Variants in LHFPL3 observed in about 807,000 individuals in gnomAD.
The protein encoded by LHFPL3 is LHFPL tetraspan subfamily member 3, also known as LHFPL tetraspan subfamily member 3 protein.
LHFPL3 carries 5 observed loss-of-function variants against 19.3 expected under a neutral mutation model. The observed-to-expected ratio is 0.26, with a 90% CI of 0.14 to 0.54. The LOEUF is 0.54. Among genes scored for constraint, LHFPL3 ranks in the 20% least tolerant of loss-of-function variants. The probability of loss-of-function intolerance (pLI) is 0.94; values close to 1 mark genes in which losing one functional copy is unlikely to be tolerated. For synonymous variants in LHFPL3, 133 were observed against 126.2 expected (o/e 1.05, Z -0.36); for missense variants, 249 against 307.4 (o/e 0.81, Z 1.42).
chr7:104,418,923 A>T (rs1584306560), intron 1 of LHFPL3, among the ~76,000 whole-genome samples: 1 of 152,248 alleles, frequency 6.6e-6, no homozygotes, highest in African/African-American at 2.4e-5. Flanking sequence ...CTAAATGCGA[A>T]GAGCAATCCT....
chr7:104,354,378 A>G lies in LHFPL3; in HGVS notation c.445+25154A>G, dbSNP rs187884104. On this transcript the variant is annotated intron_variant, in intron 1 of 2. Transcript: ENST00000424859. ...CTTGTACACATTCTTTGATGAGCCTAGGTGGGATTGTTTGGGAATTGCTGG... is the reference window on the plus strand; with the variant it reads ...CTTGTACACATTCTTTGATGAGCCTGGGTGGGATTGTTTGGGAATTGCTGG... 4.6e-5 allele frequency among the ~76,000 whole-genome samples: 7 copies of G among 152,296 alleles called. No individual in the cohort carries two copies. The East Asian group carries it at 1.3e-3, about 29-fold the overall frequency.
At chr7:104,404,225 T>C (rs999215327) in intron 1 of LHFPL3, among the ~76,000 whole-genome samples, 1 of 152,214 alleles carries the variant, frequency 6.6e-6, no homozygotes, top group Non-Finnish European at 1.5e-5. Context: ...GTTATTTTAA[T>C]GAGACCACTT....
At chr7:104,607,550 C>T (rs950205211) in intron 1 of LHFPL3, among the ~76,000 whole-genome samples, 10 of 152,068 alleles carry the variant, frequency 6.6e-5, no homozygotes, top group South Asian at 2.1e-4. Flanking sequence ...CCAGGAAGAC[C>T]GAAGATCCAG....
chr7:104,838,183 C>T (rs1242085884), intron 2 of LHFPL3, among the ~76,000 whole-genome samples: 1 of 152,140 alleles, frequency 6.6e-6, no homozygotes, highest in East Asian at 1.9e-4. Flanking sequence ...ATATGAGAAC[C>T]ATTTGAGGAA....
At chr7:104,338,785 C>A (rs1000537550) in intron 1 of LHFPL3, among the ~76,000 whole-genome samples, 2 of 151,914 alleles carry the variant, frequency 1.3e-5, no homozygotes, top group Admixed American at 6.6e-5. Flanking sequence ...TTTGATTGAC[C>A]CTTTGTGCTG....
At chr7:104,753,374 A>G (rs994941175) in intron 2 of LHFPL3, among the ~76,000 whole-genome samples, 5 of 152,228 alleles carry the variant, frequency 3.3e-5, no homozygotes, top group African/African-American at 4.8e-5. Context: ...CACTCATAAT[A>G]TTATAAGGTT....
chr7:104,442,890 A>G (rs1792254199), intron 1 of LHFPL3, among the ~76,000 whole-genome samples: 1 of 152,076 alleles, frequency 6.6e-6, no homozygotes, highest in Non-Finnish European at 1.5e-5. Context: ...TTCGCACCTC[A>G]CTGTATCCTA....
chr7:104,398,273 A>G (rs1180374571), intron 1 of LHFPL3, among the ~76,000 whole-genome samples: 1 of 152,178 alleles, frequency 6.6e-6, no homozygotes, highest in Non-Finnish European at 1.5e-5. Flanking sequence ...ACCCTGTATT[A>G]TCTTCCATGT....
chr7:104,693,322 T>G (rs1311698087), intron 1 of LHFPL3, among the ~76,000 whole-genome samples: 1 of 152,170 alleles, frequency 6.6e-6, no homozygotes, highest in Non-Finnish European at 1.5e-5. Flanking sequence ...AAGTTAAGAC[T>G]TTAGGGGACT....
At chr7:104,636,244 G>C (rs73181813) in intron 1 of LHFPL3, among the ~76,000 whole-genome samples, 4,305 of 152,250 alleles carry the variant, frequency 0.028, 79 homozygotes, top group Middle Eastern at 0.051. Context: ...GATGCATTTA[G>C]AGGTAGAAGT....
chr7:104,617,790 A>G (rs1186270307), intron 1 of LHFPL3, among the ~76,000 whole-genome samples: 3 of 152,196 alleles, frequency 2.0e-5, no homozygotes, highest in African/African-American at 7.2e-5. Context: ...TGGTAATTCC[A>G]TAGTTTGTTG....
chr7:104,380,106 C>CT (rs1308903432), intron 1 of LHFPL3, among the ~76,000 whole-genome samples: 1 of 152,160 alleles, frequency 6.6e-6, no homozygotes, highest in East Asian at 1.9e-4. Context: ...GACTCCATTA[C>CT]TTACTGCTAT....
rs1001449441 is a variant in LHFPL3, at chr7:104,515,035, C to G, written c.445+185811C>G. Among the ~76,000 whole-genome samples the G allele has an allele frequency of 2.0e-5, 3 of 152,282 alleles. No individual in the cohort carries two copies. In the East Asian group the frequency reaches 5.8e-4, roughly 29 times the overall value. On this transcript the variant is annotated intron_variant, in intron 1 of 2. Coordinates refer to ENST00000424859, the MANE Select transcript of LHFPL3 (RefSeq NM_199000.3). The stretch of plus-strand genomic sequence containing the variant: ...CCACTACATTAATTTTGTCCTACTT[C>G]TTTCACTTTTAACAGTAGCATTGTT...
chr7:104,582,255 T>C (rs1431035728), intron 1 of LHFPL3, among the ~76,000 whole-genome samples: 4 of 151,982 alleles, frequency 2.6e-5, no homozygotes, highest in African/African-American at 9.7e-5. Context: ...TGTTTAATTT[T>C]ATTTTCCAAT....
At chr7:104,726,550 T>A (rs983538902) in intron 1 of LHFPL3, among the ~76,000 whole-genome samples, 6 of 152,174 alleles carry the variant, frequency 3.9e-5, no homozygotes, top group African/African-American at 1.4e-4. Context: ...TTCACATTGT[T>A]CAACTCCTGC....
chr7:104,689,789 G>A (rs932273298), intron 1 of LHFPL3, among the ~76,000 whole-genome samples: 1 of 152,282 alleles, frequency 6.6e-6, no homozygotes, highest in South Asian at 2.1e-4. Flanking sequence ...GGCTTATGGA[G>A]GTCAGGTAAT....
At chr7:104,465,381 G>A (rs116572379) in intron 1 of LHFPL3, among the ~76,000 whole-genome samples, 2,432 of 152,246 alleles carry the variant, frequency 0.016, 74 homozygotes, top group African/African-American at 0.055. Context: ...TTCCAAAGTT[G>A]ATTCCACATT....
At chr7:104,686,183 C>G (rs2116111760) in intron 1 of LHFPL3, among the ~76,000 whole-genome samples, 1 of 152,278 alleles carries the variant, frequency 6.6e-6, no homozygotes, top group East Asian at 1.9e-4. Flanking sequence ...CAGAAGCGTG[C>G]TATTATAAAA....
At chr7:104,541,092 A>T (rs1794476325) in intron 1 of LHFPL3, among the ~76,000 whole-genome samples, 1 of 135,922 alleles carries the variant, frequency 7.4e-6, no homozygotes, top group African/African-American at 2.7e-5. Flanking sequence ...CCATATACAC[A>T]TCCTCCCCAT....
Sources: gnomAD v4.1 joint callset for allele counts (sites outside exome capture counted in the v4.1 genomes callset) on GRCh38, gnomAD v4.1.1 for gene constraint, MANE v1.5 for transcripts, NCBI Gene and HGNC (gene_info 2026-07-23, HGNC 2026-07-21) for gene names.